The following KHDRBS2 variants were observed in gnomAD, a reference collection of about 807,000 sequenced individuals.
KHDRBS2 encodes KH RNA binding domain containing, signal transduction associated 2.
Under a neutral mutation model 44.3 loss-of-function variants are expected in KHDRBS2, and 26 were observed. That is an observed-to-expected ratio of 0.59 (90% CI 0.43 to 0.81). KHDRBS2 has a LOEUF of 0.81. KHDRBS2 is among the 40% of genes least tolerant of loss of function. KHDRBS2 has a pLI of 0.00. For missense variants in KHDRBS2, 476 were observed against 433.1 expected (o/e 1.10, Z -0.88); for synonymous variants, 194 against 151.1 (o/e 1.28, Z -2.08).
At chr6:61,547,646 A>G in the KHDRBS2 span, among the ~76,000 whole-genome samples, 2 of 152,086 alleles carry the variant, frequency 1.3e-5, no homozygotes, top group Non-Finnish European at 2.9e-5. Flanking sequence ...CGAGAGTTTG[A>G]AAAAATACAA....
chr6:61,901,383 A>C lies in KHDRBS2; in HGVS notation c.484-12T>G. 1 of 1,608,968 alleles carries C rather than the reference A, an allele frequency of 6.2e-7. No homozygotes were observed. The highest frequency in any genetic ancestry group is 8.5e-7 in the Non-Finnish European group (1 of 1,177,612). On this transcript the variant is annotated splice_polypyrimidine_tract_variant and intron_variant, in intron 4 of 8. Coordinates refer to ENST00000281156, the MANE Select transcript of KHDRBS2 (RefSeq NM_152688.4). ...TCATCATTGTAGTCCTGGAGAAAAA[A>C]CATGATGTGATGAGTTAAAAATGGG...
chr6:61,604,037 A>G, the KHDRBS2 span, among the ~76,000 whole-genome samples: 1 of 152,020 alleles, frequency 6.6e-6, no homozygotes, highest in African/African-American at 2.4e-5. Flanking sequence ...CCCCTCCACT[A>G]CCTCTCAACC....
At chr6:61,791,777 C>T (rs1428720217) in intron 6 of KHDRBS2, among the ~76,000 whole-genome samples, 1 of 151,368 alleles carries the variant, frequency 6.6e-6, no homozygotes, top group Non-Finnish European at 1.5e-5. Context: ...TCTCATACTG[C>T]TCAGATATTA....
chr6:61,700,669 G>A (rs1768509587), intron 7 of KHDRBS2, among the ~76,000 whole-genome samples: 1 of 151,232 alleles, frequency 6.6e-6, no homozygotes, highest in Non-Finnish European at 1.5e-5. Context: ...TGCAGAGATG[G>A]GAGTGTAAAT....
intron 2 of KHDRBS2, among the ~76,000 whole-genome samples, chr6:62,060,635 A>C (rs139138994): frequency 0.046 from 6,829 of 148,556 alleles, 129 homozygotes; most frequent in Middle Eastern, 0.056. Context: ...CTCTCTCTCT[A>C]TATATATATA....
In KHDRBS2 at chr6:62,181,026, CAA is replaced by C. The variant is rs58140494; in HGVS notation, c.92-3716_92-3715del. Among the ~76,000 whole-genome samples the C allele has an allele frequency of 4.7e-3, 656 of 138,238 alleles. 4 individuals carry two copies. The highest frequency in any genetic ancestry group is 7.6e-3 in the Middle Eastern group (2 of 264). 90.7% of individuals were successfully genotyped at this position (138,238 alleles called of 152,430 possible). On this transcript the variant is annotated intron_variant, in intron 1 of 8. Coordinates refer to ENST00000281156, the MANE Select transcript of KHDRBS2 (RefSeq NM_152688.4). ...AATTGGACTCTTCTCTTACACTGCA[CAA>C]AAAAAAAAAAAATCAACTCAAAGTG... is the stretch of plus-strand genomic sequence containing the variant.
At chr6:61,753,141 G>T (rs907150875) in intron 6 of KHDRBS2, among the ~76,000 whole-genome samples, 8 of 152,020 alleles carry the variant, frequency 5.3e-5, no homozygotes, top group African/African-American at 1.7e-4. Flanking sequence ...CTCATCATTC[G>T]TGTTGCTCTT....
intron 2 of KHDRBS2, among the ~76,000 whole-genome samples, chr6:62,094,912 T>C (rs192138977): frequency 2.6e-4 from 39 of 152,082 alleles, no homozygotes; most frequent in Admixed American, 2.0e-3. Flanking sequence ...TCTGTTCCAT[T>C]GGTCTATGTT....
In KHDRBS2 at chr6:62,177,368, A is replaced by AC. The variant is rs1821355326; in HGVS notation, c.92-57_92-56insG. ...GAAATGAGGAACAATGTTATCATAAATATGCTGAAAAATGTTATCATAAAT... is the reference window on the plus strand; with the variant it reads ...GAAATGAGGAACAATGTTATCATAAACTATGCTGAAAAATGTTATCATAAAT... On this transcript the variant is annotated intron_variant, in intron 1 of 8. Coordinates refer to ENST00000281156, the MANE Select transcript of KHDRBS2 (RefSeq NM_152688.4). The AC allele has an allele frequency of 3.0e-6, 4 of 1,339,576 alleles. No individual in the cohort carries two copies. The East Asian group carries it at 9.9e-5, about 33-fold the overall frequency. The allele number at this position is 1,339,576 out of a possible 1,614,324, so 83.0% of individuals were successfully genotyped here. A position where few individuals can be genotyped will look rare whatever the true frequency, so the allele number is the denominator to read the frequency against.
chr6:62,043,945 A>T (rs144517238), intron 3 of KHDRBS2, among the ~76,000 whole-genome samples: 52 of 152,040 alleles, frequency 3.4e-4, no homozygotes, highest in East Asian at 1.4e-3. Flanking sequence ...AATTTTTTTT[A>T]AAAAAATGTT....
intron 1 of KHDRBS2, among the ~76,000 whole-genome samples, chr6:62,250,302 A>G (rs1016768769): frequency 6.6e-6 from 1 of 152,136 alleles, no homozygotes; most frequent in Non-Finnish European, 1.5e-5. Flanking sequence ...ATACCATAAA[A>G]TGACAAACTT....
At chr6:62,070,999 C>CTGT (rs897434933) in intron 2 of KHDRBS2, among the ~76,000 whole-genome samples, 21 of 152,144 alleles carry the variant, frequency 1.4e-4, no homozygotes, top group African/African-American at 4.8e-4. Flanking sequence ...TCTCCAGCAC[C>CTGT]TGTTGTTTCC....
rs528808054 is a variant in KHDRBS2 at position 62,017,658 on chromosome 6, A to G, written c.336+30220T>C. Among the ~76,000 whole-genome samples the G allele has an allele frequency of 2.0e-5, 3 of 152,180 alleles. No homozygotes were observed. The East Asian group carries it at 5.8e-4, about 29-fold the overall frequency. ...TTTTCCCCATTTTACCAAAAGAAAA[A>G]CCCATAGAAATTAGTATTGAAATTT... On this transcript the variant is annotated intron_variant, in intron 3 of 8. Coordinates refer to ENST00000281156, the MANE Select transcript of KHDRBS2 (RefSeq NM_152688.4).
rs891931346 is a variant in KHDRBS2 at position 61,784,717 on chromosome 6, A to G, written c.811-51953T>C. Among the ~76,000 whole-genome samples the G allele has an allele frequency of 3.3e-5, 5 of 152,326 alleles. 1 individual carries two copies. Among genetic ancestry groups the G allele is most frequent in the Admixed American group, 6.5e-5 (1 of 15,276 alleles). On this transcript the variant is annotated intron_variant, in intron 6 of 8. Coordinates refer to ENST00000281156, the MANE Select transcript of KHDRBS2 (RefSeq NM_152688.4). ...TTTTACCTACAAATGATAATTTCAC[A>G]TGGTTCAACTTAATTAAAAATGTTT...
the KHDRBS2 span, among the ~76,000 whole-genome samples, chr6:61,630,002 A>T: frequency 7.9e-5 from 12 of 152,160 alleles, no homozygotes; most frequent in African/African-American, 2.9e-4. Flanking sequence ...AACCATTTAC[A>T]GGTTTGTGGG....
chr6:61,577,269 T>G, the KHDRBS2 span, among the ~76,000 whole-genome samples: 1 of 152,142 alleles, frequency 6.6e-6, no homozygotes, highest in African/African-American at 2.4e-5. Flanking sequence ...TGCTGCAGGT[T>G]GGTGTACCTA....
At chr6:61,676,482 G>T (rs758263532), downstream of KHDRBS2, among the ~76,000 whole-genome samples, 5 of 151,892 alleles carry the variant, frequency 3.3e-5, no homozygotes, top group Non-Finnish European at 5.9e-5. Context: ...ACTGGTGGCA[G>T]GGAGCAGCTG....
intron 6 of KHDRBS2, among the ~76,000 whole-genome samples, chr6:61,786,905 T>C (rs1726934251): frequency 6.6e-6 from 1 of 151,694 alleles, no homozygotes; most frequent in Non-Finnish European, 1.5e-5. Flanking sequence ...CTTATTTTAA[T>C]CCCATAATCC....
chr6:62,073,232 T>A (rs937100737), intron 2 of KHDRBS2, among the ~76,000 whole-genome samples: 41 of 152,000 alleles, frequency 2.7e-4, no homozygotes, highest in African/African-American at 9.4e-4. Flanking sequence ...ATTAATTTTA[T>A]CTGTACATGT....
Sources: gnomAD v4.1 joint callset for allele counts (sites outside exome capture counted in the v4.1 genomes callset) on GRCh38, gnomAD v4.1.1 for gene constraint, MANE v1.5 for transcripts, NCBI Gene and HGNC (gene_info 2026-07-23, HGNC 2026-07-21) for gene names.